The following SLC24A2 variants were observed in gnomAD, a reference collection of about 807,000 sequenced individuals.
SLC24A2 encodes the protein solute carrier family 24 member 2, also known as sodium/potassium/calcium exchanger 2.
In SLC24A2, 36 loss-of-function variants were observed where a neutral mutation model predicts 62.0. The observed-to-expected ratio is 0.58, with a 90% CI of 0.44 to 0.77. The LOEUF (loss-of-function observed/expected upper bound fraction) is 0.77, where lower values mean the gene tolerates loss of function less well. Among genes scored for constraint, SLC24A2 ranks in the 30% least tolerant of loss-of-function variants. The pLI, the probability that SLC24A2 is intolerant of heterozygous loss-of-function variation, is 0.00. For missense variants in SLC24A2, 846 were observed against 817.9 expected, an observed-to-expected ratio of 1.03 and a Z score of -0.42; for synonymous variants, 358 against 294.0, an observed-to-expected ratio of 1.22 and a Z score of -2.23.
chr9:19,526,284 G>A (rs562070350), intron 9 of SLC24A2, among the ~76,000 whole-genome samples: 53 of 152,034 alleles, frequency 3.5e-4, no homozygotes, highest in Non-Finnish European at 6.8e-4. Flanking sequence ...TCACTTTTTG[G>A]TAATTATGAA....
chr9:19,790,396 C>T (rs1194027083), upstream of SLC24A2, among the ~76,000 whole-genome samples: 1 of 151,984 alleles, frequency 6.6e-6, no homozygotes, highest in African/African-American at 2.4e-5. Context: ...TGAAGCAAAT[C>T]CCAGAGCATC....
chr9:19,710,129 T>C (rs1201113771), intron 2 of SLC24A2, among the ~76,000 whole-genome samples: 1 of 152,148 alleles, frequency 6.6e-6, no homozygotes. Flanking sequence ...GAGAGGGGCC[T>C]CTTTACAAGT....
At chr9:20,217,394 G>A in the SLC24A2 span, among the ~76,000 whole-genome samples, 8 of 152,150 alleles carry the variant, frequency 5.3e-5, no homozygotes, top group African/African-American at 1.9e-4. Flanking sequence ...CTTAATGCAG[G>A]TACTGGCTAC....
chr9:19,979,619 TCTCTACAAA>T, the SLC24A2 span, among the ~76,000 whole-genome samples: 100 of 152,284 alleles, frequency 6.6e-4, no homozygotes, highest in Non-Finnish European at 8.7e-4. Context: ...CTAGCATCGA[TCTCTACAAA>T]TGGCCTTGCT....
chr9:19,951,136 C>T, the SLC24A2 span, among the ~76,000 whole-genome samples: 13 of 152,042 alleles, frequency 8.6e-5, no homozygotes, highest in African/African-American at 3.1e-4. Context: ...AGAGGTTTGG[C>T]CATAATGGGA....
At chr9:20,233,032 G>A in the SLC24A2 span, among the ~76,000 whole-genome samples, 1 of 151,994 alleles carries the variant, frequency 6.6e-6, no homozygotes, top group Non-Finnish European at 1.5e-5. Context: ...GTAGTTGAGT[G>A]GTTTTGAGTG....
At chr9:19,556,865 T>G (rs1563961809) in intron 7 of SLC24A2, among the ~76,000 whole-genome samples, 1 of 152,254 alleles carries the variant, frequency 6.6e-6, no homozygotes, top group East Asian at 1.9e-4. Context: ...TGGGATGTTT[T>G]AATGTGGGTT....
chr9:19,741,850 C>T (rs1821688262), intron 2 of SLC24A2, among the ~76,000 whole-genome samples: 1 of 152,164 alleles, frequency 6.6e-6, no homozygotes, highest in Non-Finnish European at 1.5e-5. Flanking sequence ...ATCCCCACCC[C>T]ATGTAAGCAG....
intron 2 of SLC24A2, among the ~76,000 whole-genome samples, chr9:19,688,467 C>G (rs1333311910): frequency 6.6e-6 from 1 of 152,010 alleles, no homozygotes; most frequent in East Asian, 1.9e-4. Context: ...AAAAGTGATT[C>G]CAAGTAGTCA....
At chr9:19,896,507 T>C in the SLC24A2 span, among the ~76,000 whole-genome samples, 9 of 152,170 alleles carry the variant, frequency 5.9e-5, no homozygotes, top group African/African-American at 2.2e-4. Context: ...ATAACAGTTA[T>C]TGAACACTAA....
At chr9:19,577,629 T>A (rs1035235849) in intron 5 of SLC24A2, among the ~76,000 whole-genome samples, 3 of 152,108 alleles carry the variant, frequency 2.0e-5, no homozygotes, top group African/African-American at 7.2e-5. Flanking sequence ...AATTAAGGCA[T>A]TAAGAAGGCA....
the SLC24A2 span, among the ~76,000 whole-genome samples, chr9:20,272,971 T>C: frequency 1.3e-4 from 20 of 152,302 alleles, no homozygotes; most frequent in African/African-American, 4.6e-4. Context: ...CTAGGATCCA[T>C]TTGGCCAAGC....
At chr9:19,626,303 T>C (rs1245664551) in intron 2 of SLC24A2, among the ~76,000 whole-genome samples, 1 of 152,214 alleles carries the variant, frequency 6.6e-6, no homozygotes, top group Non-Finnish European at 1.5e-5. Context: ...GGCCACTCAG[T>C]AAGAGGATAC....
the SLC24A2 span, among the ~76,000 whole-genome samples, chr9:20,223,859 A>G: frequency 1.3e-5 from 2 of 152,180 alleles, no homozygotes; most frequent in Admixed American, 1.3e-4. Context: ...AGTAATTTAT[A>G]AAGAAAAGAA....
chr9:19,771,871 G>GA (rs1822701289), intron 2 of SLC24A2, among the ~76,000 whole-genome samples: 1 of 152,144 alleles, frequency 6.6e-6, no homozygotes, highest in African/African-American at 2.4e-5. Context: ...GTTCAAGATG[G>GA]ATGCAAATGT....
At chr9:19,562,752 A>C (rs976271459) in intron 7 of SLC24A2, among the ~76,000 whole-genome samples, 1 of 152,176 alleles carries the variant, frequency 6.6e-6, no homozygotes, top group African/African-American at 2.4e-5. Context: ...GTTTTCTCTG[A>C]CACTAGTGGA....
chr9:19,661,729 A>G lies in SLC24A2; in HGVS notation c.931-39430T>C, dbSNP rs552852858. Reference sequence around the variant, plus strand: ...TTGGGATTTTGGTTTTCTCAAAGGCAGCCCTTGACAAAAAACCATCAAAAA... The same window carrying G: ...TTGGGATTTTGGTTTTCTCAAAGGCGGCCCTTGACAAAAAACCATCAAAAA... On this transcript the variant is annotated intron_variant, in intron 2 of 10. Transcript: ENST00000341998. 3.0e-3 allele frequency among the ~76,000 whole-genome samples: 461 copies of G among 152,316 alleles called. 1 individual carries two copies. The highest frequency in any genetic ancestry group is 5.4e-3 in the Non-Finnish European group (366 of 68,022).
intron 2 of SLC24A2, among the ~76,000 whole-genome samples, chr9:19,652,272 A>G (rs1818823549): frequency 6.6e-6 from 1 of 152,162 alleles, no homozygotes; most frequent in African/African-American, 2.4e-5. Context: ...TAGGCTGAAT[A>G]CTGGTCTCCA....
At chr9:20,187,412 C>A in the SLC24A2 span, among the ~76,000 whole-genome samples, 1 of 152,306 alleles carries the variant, frequency 6.6e-6, no homozygotes, top group Admixed American at 6.5e-5. Flanking sequence ...CCGTTGCTTA[C>A]TCAACCAAGT....
Sources: allele counts gnomAD v4.1 joint callset (sites outside exome capture counted in the v4.1 genomes callset), GRCh38; gene constraint gnomAD v4.1.1; transcripts MANE v1.5; gene names NCBI Gene and HGNC (gene_info 2026-07-23, HGNC 2026-07-21).